PIAS1: variants seen among roughly 807,000 people sequenced by gnomAD.
PIAS1 encodes the protein protein inhibitor of activated STAT 1, also known as E3 SUMO-protein ligase PIAS1.
PIAS1 carries 6 observed loss-of-function variants against 71.3 expected under a neutral mutation model. The observed-to-expected ratio is 0.08, with a 90% CI of 0.05 to 0.17. The LOEUF (loss-of-function observed/expected upper bound fraction) is 0.17, where lower values mean the gene tolerates loss of function less well. Ranked by LOEUF, PIAS1 falls within the 10% of genes least tolerant of loss-of-function variation. The probability of loss-of-function intolerance (pLI) is 1.00; values close to 1 mark genes in which losing one functional copy is unlikely to be tolerated. For missense variants in PIAS1, 555 were observed against 793.6 expected (o/e 0.70, Z 3.61); for synonymous variants, 303 against 292.9 (o/e 1.03, Z -0.35).
Position 68,164,749 on chromosome 15 carries a change from C to T in PIAS1, c.953C>T (p.Ala318Val), listed in dbSNP as rs1385708212. 6.3e-7 allele frequency: 1 copy of T among 1,591,804 alleles called. No individual in the cohort carries two copies. The highest frequency in any genetic ancestry group is 8.6e-7 in the Non-Finnish European group (1 of 1,165,246). Reference protein sequence around the residue: ...SRALIKEKLTADPDSEIATTS... With the variant: ...SRALIKEKLTVDPDSEIATTS... ...ATATCAGTTAAAGAGAAGTTGACTGCGGATCCAGACAGTGAAATAGCTACA... is the reference window on the plus strand; with the variant it reads ...ATATCAGTTAAAGAGAAGTTGACTGTGGATCCAGACAGTGAAATAGCTACA... The change falls in exon 8 of 14, where the codon GCG becomes GTG. Residue 318 changes from alanine to valine, a missense_variant. Physicochemically the swap from Ala to Val is moderately conservative, Grantham distance 64. This residue lies in a region of PIAS1 where 49 missense variants were observed against 129.2 expected (regional missense o/e 0.38). Coordinates refer to ENST00000249636, the MANE Select transcript of PIAS1 (RefSeq NM_016166.3).
At chr15:68,125,555 A>G (rs745389516) in intron 2 of PIAS1, among the ~76,000 whole-genome samples, 27 of 152,224 alleles carry the variant, frequency 1.8e-4, no homozygotes, top group Non-Finnish European at 3.7e-4. Context: ...GTTTTATTCT[A>G]TACCCATACT....
At chr15:68,089,840 G>A (rs906924908) in intron 2 of PIAS1, among the ~76,000 whole-genome samples, 54 of 151,968 alleles carry the variant, frequency 3.6e-4, no homozygotes, top group Admixed American at 2.6e-3. Context: ...ACAGGTGTGA[G>A]CCACTGCACC....
intron 7 of PIAS1, among the ~76,000 whole-genome samples, chr15:68,161,641 CTTT>C (rs2092925323): frequency 6.6e-6 from 1 of 151,884 alleles, no homozygotes; most frequent in East Asian, 1.9e-4. Context: ...TATTTTAAAA[CTTT>C]TTTTGTTGCC....
At chr15:68,058,998 T>C (rs1227450630) in intron 1 of PIAS1, among the ~76,000 whole-genome samples, 1 of 137,644 alleles carries the variant, frequency 7.3e-6, no homozygotes, top group Non-Finnish European at 1.5e-5. Flanking sequence ...CAGATTATTC[T>C]ACTTTTTTTT....
At chr15:68,132,398 C>T (rs961194079) in intron 2 of PIAS1, among the ~76,000 whole-genome samples, 3 of 152,018 alleles carry the variant, frequency 2.0e-5, no homozygotes, top group Non-Finnish European at 4.4e-5. Flanking sequence ...TCACTTGAAC[C>T]TGGGAGGTGG....
intron 2 of PIAS1, among the ~76,000 whole-genome samples, chr15:68,129,268 A>C (rs1398623704): frequency 6.6e-6 from 1 of 152,100 alleles, no homozygotes; most frequent in Admixed American, 6.6e-5. Flanking sequence ...GGGTCTCACT[A>C]TATTGCCCAG....
At chr15:68,066,080 G>A (rs147072547) in intron 1 of PIAS1, among the ~76,000 whole-genome samples, 1 of 151,474 alleles carries the variant, frequency 6.6e-6, no homozygotes, top group African/African-American at 2.4e-5. Context: ...CAGTAATGGT[G>A]TGGGAAATAT....
intron 12 of PIAS1, among the ~76,000 whole-genome samples, chr15:68,182,026 G>A (rs1391675549): frequency 2.6e-5 from 4 of 152,072 alleles, no homozygotes; most frequent in Non-Finnish European, 5.9e-5. Flanking sequence ...AGGCATTGTG[G>A]GTAACTATGT....
Position 68,153,700 on chromosome 15 carries a change from GTATGATAAACTTATTTCACT to G in PIAS1, c.934+9_934+28del, listed in dbSNP as rs2092865733. The G allele has an allele frequency of 7.3e-7, 1 of 1,370,796 alleles. No homozygotes were observed. Among genetic ancestry groups the G allele is most frequent in the Admixed American group, 1.7e-5 (1 of 59,180 alleles). The allele number at this position is 1,370,796 out of a possible 1,614,324, so 84.9% of individuals were successfully genotyped here. A position where few individuals can be genotyped will look rare whatever the true frequency, so the allele number is the denominator to read the frequency against. ...CGGATCATTCTAGAGCTTTAAGTAC[GTATGATAAACTTATTTCACT>G]TATTCAGCTATTTTGTTAAAGGTTA... On this transcript the variant is annotated splice_donor_region_variant and intron_variant, in intron 7 of 13. Transcript: ENST00000249636.
rs1271333470 is a variant in PIAS1, at chr15:68,171,946, C to CT, written c.1009-1783dup. ...ATATGTTTTATATATATATAAAATA[C>CT]TTTAAGTTCTATGGTACATGTGCAC... On this transcript the variant is annotated intron_variant, in intron 8 of 13. Coordinates refer to ENST00000249636, the MANE Select transcript of PIAS1 (RefSeq NM_016166.3). This position sits in a 1 kb window ranked among gnomAD's most constrained non-coding sequence, Gnocchi z 4.4. Among the ~76,000 whole-genome samples the CT allele has an allele frequency of 1.3e-5, 2 of 151,050 alleles. No individual in the cohort carries two copies. The highest frequency in any genetic ancestry group is 2.4e-5 in the African/African-American group (1 of 41,106).
At chr15:68,117,212 C>G (rs967579574) in intron 2 of PIAS1, among the ~76,000 whole-genome samples, 1 of 152,060 alleles carries the variant, frequency 6.6e-6, no homozygotes, top group African/African-American at 2.4e-5. Context: ...CTCAGCCTCC[C>G]GAGTAGCTGG....
At chr15:68,140,096 A>G (rs1049003961) in intron 2 of PIAS1, among the ~76,000 whole-genome samples, 20 of 152,328 alleles carry the variant, frequency 1.3e-4, no homozygotes, top group Admixed American at 2.0e-4. Flanking sequence ...TACAATGTAT[A>G]TATAAATGGA....
chr15:68,172,448 TG>T (rs1303741769), intron 8 of PIAS1, among the ~76,000 whole-genome samples: 1 of 152,174 alleles, frequency 6.6e-6, no homozygotes, highest in East Asian at 1.9e-4. Context: ...ATGGGATTGC[TG>T]GGTCAAATGG....
intron 1 of PIAS1, among the ~76,000 whole-genome samples, chr15:68,068,883 T>C (rs1399951678): frequency 2.1e-5 from 3 of 143,644 alleles, no homozygotes; most frequent in Middle Eastern, 3.5e-3. Context: ...ACACCTTAAA[T>C]GTTTTTGTCC....
intron 1 of PIAS1, among the ~76,000 whole-genome samples, chr15:68,058,324 T>C (rs1345111017): frequency 6.6e-6 from 1 of 152,266 alleles, no homozygotes; most frequent in Non-Finnish European, 1.5e-5. Flanking sequence ...TATAGTACTT[T>C]GCAGTTCATA....
chr15:68,113,190 TG>T (rs911546792), intron 2 of PIAS1, among the ~76,000 whole-genome samples: 35 of 152,250 alleles, frequency 2.3e-4, no homozygotes, highest in African/African-American at 7.9e-4. Flanking sequence ...TACATGCATG[TG>T]GTTATATGTG....
intron 2 of PIAS1, among the ~76,000 whole-genome samples, chr15:68,090,170 A>G (rs1158957698): frequency 2.0e-5 from 3 of 151,932 alleles, no homozygotes; most frequent in Non-Finnish European, 4.4e-5. Flanking sequence ...GTCAGCCACC[A>G]CACCCAACTT....
chr15:68,113,398 T>C (rs1439547765), intron 2 of PIAS1, among the ~76,000 whole-genome samples: 10 of 152,214 alleles, frequency 6.6e-5, no homozygotes, highest in Admixed American at 6.5e-4. Context: ...AATTATAGTC[T>C]GCTTACTTTT....
At chr15:68,116,117 A>G (rs1292121155) in intron 2 of PIAS1, among the ~76,000 whole-genome samples, 1 of 150,032 alleles carries the variant, frequency 6.7e-6, no homozygotes, top group Non-Finnish European at 1.5e-5. Flanking sequence ...TAGAATCAAT[A>G]TTTTTTCTTG....
Sources: gnomAD v4.1 joint callset for allele counts (sites outside exome capture counted in the v4.1 genomes callset) on GRCh38, gnomAD v4.1.1 for gene constraint, gnomAD v4.1.1 regional missense constraint, Gnocchi (gnomAD v3.1) non-coding constraint, MANE v1.5 for transcripts, NCBI Gene and HGNC (gene_info 2026-07-23, HGNC 2026-07-21) for gene names.